Variants in AGBL1 observed in about 807,000 individuals in gnomAD.
AGBL1 encodes the protein AGBL carboxypeptidase 1.
Under a neutral mutation model 118.9 loss-of-function variants are expected in AGBL1, and 130 were observed. That is an observed-to-expected ratio of 1.09 (90% CI 0.95 to 1.26). The LOEUF is 1.26. Ranked by LOEUF, AGBL1 falls within the 50% of genes most tolerant of loss-of-function variation. The pLI, the probability that AGBL1 is intolerant of heterozygous loss-of-function variation, is 0.00. For missense variants in AGBL1, 1,584 were observed against 1,298.1 expected, an observed-to-expected ratio of 1.22 and a Z score of -3.38; for synonymous variants, 555 against 478.9, an observed-to-expected ratio of 1.16 and a Z score of -2.08.
At chr15:86,250,194 C>T (rs905435952) in intron 7 of AGBL1, among the ~76,000 whole-genome samples, 5 of 152,018 alleles carry the variant, frequency 3.3e-5, no homozygotes, top group Non-Finnish European at 7.4e-5. Context: ...TTGAATTCCT[C>T]ACCACCACCA....
intron 22 of AGBL1, among the ~76,000 whole-genome samples, chr15:86,852,400 G>A (rs2079420360): frequency 1.3e-5 from 2 of 152,098 alleles, no homozygotes; most frequent in South Asian, 4.1e-4. Context: ...TACAATTGGA[G>A]ATTATATTTG....
chr15:86,395,230 T>C (rs2081346088), intron 17 of AGBL1, among the ~76,000 whole-genome samples: 1 of 152,116 alleles, frequency 6.6e-6, no homozygotes, highest in Non-Finnish European at 1.5e-5. Flanking sequence ...TTATGTTCCA[T>C]CATCTCTAGC....
At chr15:86,330,178 A>G (rs1170640432) in intron 17 of AGBL1, among the ~76,000 whole-genome samples, 2 of 152,200 alleles carry the variant, frequency 1.3e-5, no homozygotes, top group African/African-American at 4.8e-5. Context: ...GTACTCCACA[A>G]GTCAGCCCAT....
At chr15:86,794,086 A>G (rs750431884) in intron 22 of AGBL1, among the ~76,000 whole-genome samples, 4 of 152,240 alleles carry the variant, frequency 2.6e-5, no homozygotes, top group African/African-American at 4.8e-5. Flanking sequence ...TGACACAGCA[A>G]TTCCACTCCT....
At chr15:86,298,246 A>ATATATATATATATATATATAT (rs1555462936) in intron 17 of AGBL1, among the ~76,000 whole-genome samples, 6 of 69,802 alleles carry the variant, frequency 8.6e-5, no homozygotes, top group African/African-American at 3.9e-4. Context: ...GTCTGTGTAT[A>ATATATATATATATATATATAT]ATATATATAT....
At chr15:86,426,861 T>C (rs2081873659) in intron 18 of AGBL1, among the ~76,000 whole-genome samples, 1 of 152,134 alleles carries the variant, frequency 6.6e-6, no homozygotes, top group Admixed American at 6.6e-5. Context: ...CCGCCTCCCT[T>C]TTCAAGTGTT....
intron 21 of AGBL1, among the ~76,000 whole-genome samples, chr15:86,583,179 A>G: frequency 6.6e-6 from 1 of 152,090 alleles, no homozygotes; most frequent in Admixed American, 6.6e-5. Flanking sequence ...CTTTTATGTT[A>G]GAGTCAGGGA....
At chr15:86,969,493 G>A (rs1305110225) in intron 23 of AGBL1, among the ~76,000 whole-genome samples, 1 of 151,772 alleles carries the variant, frequency 6.6e-6, no homozygotes, top group African/African-American at 2.4e-5. Flanking sequence ...GCATATGTAT[G>A]TGAATATTCA....
intron 21 of AGBL1, chr15:86,556,077 A>T: frequency 1.7e-6 from 1 of 596,940 alleles, no homozygotes; most frequent in Non-Finnish European, 2.9e-6. Flanking sequence ...TTGTTTCTCC[A>T]AGCACCAATT....
intron 24 of AGBL1, among the ~76,000 whole-genome samples, chr15:86,991,225 T>A (rs570764635): frequency 2.4e-4 from 36 of 152,292 alleles, no homozygotes; most frequent in African/African-American, 8.2e-4. Context: ...TTTCTTTTTA[T>A]TTTTTGTTCA....
At chr15:86,302,216 A>T (rs2079758796) in intron 17 of AGBL1, among the ~76,000 whole-genome samples, 1 of 152,170 alleles carries the variant, frequency 6.6e-6, no homozygotes, top group African/African-American at 2.4e-5. Context: ...AGGTAGTTGA[A>T]TAGCTTGGCT....
chr15:86,450,073 A>G (rs16977266), intron 18 of AGBL1, among the ~76,000 whole-genome samples: 18,466 of 152,174 alleles, frequency 0.12, 1,519 homozygotes, highest in African/African-American at 0.23. Flanking sequence ...ATCAATGCCC[A>G]GTGACTTCTG....
chr15:86,114,698 A>C (rs568093297), intron 1 of AGBL1, among the ~76,000 whole-genome samples: 1 of 152,320 alleles, frequency 6.6e-6, no homozygotes, highest in South Asian at 2.1e-4. Flanking sequence ...AGGGTTCCAC[A>C]TAGCAGAATG....
At chr15:86,446,181 C>G (rs543162045) in intron 18 of AGBL1, among the ~76,000 whole-genome samples, 1 of 152,354 alleles carries the variant, frequency 6.6e-6, no homozygotes, top group East Asian at 1.9e-4. Flanking sequence ...CAACCTGCCA[C>G]TCTCCTGTCC....
At chr15:86,835,031 G>C (rs1459040944) in intron 22 of AGBL1, among the ~76,000 whole-genome samples, 1 of 152,050 alleles carries the variant, frequency 6.6e-6, no homozygotes, top group Non-Finnish European at 1.5e-5. Flanking sequence ...GTTTAGTAAG[G>C]TACCTACATA....
intron 20 of AGBL1, among the ~76,000 whole-genome samples, chr15:86,547,212 A>G (rs2083595191): frequency 6.6e-6 from 1 of 152,204 alleles, no homozygotes; most frequent in Non-Finnish European, 1.5e-5. Context: ...AATCTTATTT[A>G]GGAAACTAGT....
At chr15:86,529,745 C>G (rs1386636634) in intron 19 of AGBL1, among the ~76,000 whole-genome samples, 2 of 151,876 alleles carry the variant, frequency 1.3e-5, no homozygotes, top group Admixed American at 6.5e-5. Flanking sequence ...GCCCATCAGA[C>G]TAACAGCGGA....
chr15:86,380,642 C>G (rs2081102073), intron 17 of AGBL1, among the ~76,000 whole-genome samples: 1 of 143,180 alleles, frequency 7.0e-6, no homozygotes, highest in African/African-American at 2.7e-5. Context: ...GTTTGTCTTT[C>G]TCTCTGTCTC....
chr15:86,100,190 T>C (rs1301797952), intron 1 of AGBL1, among the ~76,000 whole-genome samples: 1 of 152,244 alleles, frequency 6.6e-6, no homozygotes, highest in Non-Finnish European at 1.5e-5. Flanking sequence ...TAAATCCCAC[T>C]TGACCATGGC....
Sources: gnomAD v4.1 joint callset for allele counts (sites outside exome capture counted in the v4.1 genomes callset) on GRCh38, gnomAD v4.1.1 for gene constraint, MANE v1.5 for transcripts, NCBI Gene and HGNC (gene_info 2026-07-23, HGNC 2026-07-21) for gene names.